The following AATF variants were observed in gnomAD, a reference collection of about 807,000 sequenced individuals.
The protein encoded by AATF is protein AATF.
In AATF, 48 loss-of-function variants were observed where a neutral mutation model predicts 63.7. The observed-to-expected ratio is 0.75, with a 90% CI of 0.60 to 0.96. The LOEUF (loss-of-function observed/expected upper bound fraction) is 0.96, where lower values mean the gene tolerates loss of function less well. Among genes scored for constraint, AATF ranks in the 40% least tolerant of loss-of-function variants. The probability of loss-of-function intolerance (pLI) is 0.00; values close to 1 mark genes in which losing one functional copy is unlikely to be tolerated. For synonymous variants in AATF, 258 were observed against 247.7 expected (o/e 1.04, Z -0.39); for missense variants, 639 against 685.7 (o/e 0.93, Z 0.76).
At chr17:36,963,988 G>T (rs1440962452) in intron 4 of AATF, among the ~76,000 whole-genome samples, 1 of 152,016 alleles carries the variant, frequency 6.6e-6, no homozygotes, top group East Asian at 1.9e-4. Flanking sequence ...ACCAGCCTGG[G>T]CAACACAGTG....
intron 4 of AATF, among the ~76,000 whole-genome samples, chr17:36,971,481 T>C (rs371061556): frequency 3.9e-5 from 6 of 152,132 alleles, no homozygotes; most frequent in African/African-American, 1.4e-4. Context: ...GAATGCAAAA[T>C]AGTACAGCCA....
At chr17:36,992,151 T>C (rs764817268) in intron 8 of AATF, among the ~76,000 whole-genome samples, 4 of 152,192 alleles carry the variant, frequency 2.6e-5, no homozygotes, top group African/African-American at 7.2e-5. Flanking sequence ...AAAGTCAATA[T>C]AGAACAAGTG....
chr17:37,033,399 A>T (rs1597734468), intron 11 of AATF, among the ~76,000 whole-genome samples: 1 of 152,232 alleles, frequency 6.6e-6, no homozygotes, highest in African/African-American at 2.4e-5. Context: ...TCCCAGGCAT[A>T]AAATGAAATC....
intron 8 of AATF, among the ~76,000 whole-genome samples, chr17:36,995,766 C>A (rs955776120): frequency 2.6e-4 from 39 of 151,884 alleles, no homozygotes; most frequent in African/African-American, 8.0e-4. Context: ...CGGGGTTTTG[C>A]TGTGTTGCCC....
chr17:36,984,444 T>C (rs2071151245), intron 4 of AATF, among the ~76,000 whole-genome samples: 1 of 152,138 alleles, frequency 6.6e-6, no homozygotes, highest in Admixed American at 6.5e-5. Context: ...ACACAGTATG[T>C]GTGAAGGAGT....
chr17:36,959,489 G>T (rs183184117), intron 4 of AATF, among the ~76,000 whole-genome samples: 2 of 152,296 alleles, frequency 1.3e-5, no homozygotes, highest in East Asian at 3.9e-4. Context: ...TGATTTGGAT[G>T]GGTGGGAAAA....
At chr17:37,012,973 C>A (rs1460522248) in intron 8 of AATF, among the ~76,000 whole-genome samples, 1 of 152,108 alleles carries the variant, frequency 6.6e-6, no homozygotes, top group Non-Finnish European at 1.5e-5. Context: ...ATCAAAAACA[C>A]AAATGACAAA....
At chr17:36,996,630 T>G (rs555686578) in intron 8 of AATF, among the ~76,000 whole-genome samples, 1 of 152,208 alleles carries the variant, frequency 6.6e-6, no homozygotes, top group African/African-American at 2.4e-5. Context: ...TTTCTGCTTC[T>G]TTAAGACATT....
chr17:36,953,983 G>T, intron 4 of AATF, 76 bp downstream of exon 4: 1 of 1,485,488 alleles, frequency 6.7e-7, no homozygotes, highest in Non-Finnish European at 9.2e-7. Flanking sequence ...GAAGTGGACT[G>T]GGAGCTTGAG....
At chr17:37,024,132 A>G (rs1009362471) in intron 10 of AATF, among the ~76,000 whole-genome samples, 57 of 152,222 alleles carry the variant, frequency 3.7e-4, no homozygotes, top group African/African-American at 1.4e-3. Context: ...CCACAGCATC[A>G]GAGAGCCAAC....
Position 36,996,101 on chromosome 17 carries a change from C to T in AATF, c.1398+5244C>T, listed in dbSNP as rs4795168. 3.2e-3 allele frequency among the ~76,000 whole-genome samples: 482 copies of T among 152,094 alleles called. 4 individuals are homozygous for T. Among genetic ancestry groups the T allele is most frequent in the East Asian group, 0.03 (155 of 5,186 alleles). On this transcript the variant is annotated intron_variant, in intron 8 of 11. Coordinates refer to ENST00000619387, the MANE Select transcript of AATF (RefSeq NM_012138.4). ...GAAACTTATTACGCATAGATATTTA[C>T]GGTTATTTTAGAGAGAACATATGTA...
At chr17:37,026,943 G>A (rs906910376) in intron 10 of AATF, among the ~76,000 whole-genome samples, 2 of 152,132 alleles carry the variant, frequency 1.3e-5, no homozygotes, top group African/African-American at 2.4e-5. Flanking sequence ...TGTCATCACT[G>A]ATACTAGGTC....
chr17:37,000,455 C>T (rs1033130620), intron 8 of AATF, among the ~76,000 whole-genome samples: 1 of 152,056 alleles, frequency 6.6e-6, no homozygotes, highest in Non-Finnish European at 1.5e-5. Flanking sequence ...CCCTGTGGAC[C>T]TATGTTGGCT....
At chr17:37,032,566 T>A (rs1405825297) in intron 11 of AATF, among the ~76,000 whole-genome samples, 1 of 152,200 alleles carries the variant, frequency 6.6e-6, no homozygotes, top group Non-Finnish European at 1.5e-5. Context: ...CTAGGGGTGC[T>A]CCTTGTTAGT....
intron 8 of AATF, among the ~76,000 whole-genome samples, chr17:36,993,198 G>C (rs140729151): frequency 3.9e-5 from 6 of 152,156 alleles, no homozygotes; most frequent in Non-Finnish European, 7.4e-5. Flanking sequence ...ATCACATTCC[G>C]ACATCTGCTG....
chr17:36,979,412 G>A (rs1015341047), intron 4 of AATF, among the ~76,000 whole-genome samples: 2 of 152,086 alleles, frequency 1.3e-5, no homozygotes, highest in Non-Finnish European at 2.9e-5. Flanking sequence ...TAATTGCTGG[G>A]GATGACTAGT....
At chr17:36,953,636 G>A in intron 3 of AATF, 134 bp from the exon 4 acceptor site, 1 of 851,104 alleles carries the variant, frequency 1.2e-6, no homozygotes. Context: ...GAGAATATTT[G>A]TTTCCATGGC....
intron 11 of AATF, among the ~76,000 whole-genome samples, chr17:37,041,314 A>AAGT (rs372858529): frequency 1.0e-3 from 158 of 152,264 alleles, no homozygotes; most frequent in African/African-American, 3.6e-3. Flanking sequence ...CTTTCTTTTC[A>AAGT]AGTAGTGCTG....
chr17:37,056,516 T>C, intron 11 of AATF, 85 bp from the exon 12 acceptor site: 4 of 1,351,968 alleles, frequency 3.0e-6, no homozygotes, highest in Non-Finnish European at 4.2e-6. Flanking sequence ...AGAAACAGAA[T>C]GGGGTATTTT....
Sources: allele counts gnomAD v4.1 joint callset (sites outside exome capture counted in the v4.1 genomes callset), GRCh38; gene constraint gnomAD v4.1.1; transcripts MANE v1.5; gene names NCBI Gene and HGNC (gene_info 2026-07-23, HGNC 2026-07-21).